Variants in PPP1R9A observed in about 807,000 individuals in gnomAD.
PPP1R9A encodes the protein protein phosphatase 1 regulatory subunit 9A.
PPP1R9A carries 59 observed loss-of-function variants against 141.9 expected under a neutral mutation model. That is an observed-to-expected ratio of 0.42 (90% CI 0.34 to 0.52). PPP1R9A has a LOEUF of 0.52. PPP1R9A is among the 20% of genes least tolerant of loss of function. The pLI is 0.10. For missense variants in PPP1R9A, 1,444 were observed against 1,611.9 expected, an observed-to-expected ratio of 0.90 and a Z score of 1.78; for synonymous variants, 500 against 569.7, an observed-to-expected ratio of 0.88 and a Z score of 1.74.
chr7:94,964,480 C>T (rs545111753), intron 2 of PPP1R9A, among the ~76,000 whole-genome samples: 12 of 152,216 alleles, frequency 7.9e-5, no homozygotes, highest in Admixed American at 2.0e-4. Flanking sequence ...TGCTATCCCT[C>T]GCCTAAATCC....
chr7:94,962,781 G>A (rs543746384), intron 2 of PPP1R9A, among the ~76,000 whole-genome samples: 1 of 152,068 alleles, frequency 6.6e-6, no homozygotes, highest in Non-Finnish European at 1.5e-5. Context: ...TGACTACAGT[G>A]TCATTGACTT....
chr7:95,110,533 A>C (rs1216577062), intron 2 of PPP1R9A, among the ~76,000 whole-genome samples: 3 of 152,154 alleles, frequency 2.0e-5, no homozygotes, highest in Non-Finnish European at 4.4e-5. Flanking sequence ...CAACTACTTC[A>C]GTTCCTTTTA....
At chr7:95,233,311 T>C (rs1796232783) in intron 8 of PPP1R9A, among the ~76,000 whole-genome samples, 1 of 150,916 alleles carries the variant, frequency 6.6e-6, no homozygotes, top group Non-Finnish European at 1.5e-5. Context: ...TAAGTGGGAG[T>C]TGAACAATGA....
In PPP1R9A at chr7:94,910,493, T is replaced by A. The variant is rs1306247532; in HGVS notation, c.380T>A (p.Phe127Tyr). 1 of 1,614,172 alleles carries A rather than the reference T, an allele frequency of 6.2e-7. No individual in the cohort carries two copies. The highest frequency in any genetic ancestry group is 1.1e-5 in the South Asian group (1 of 91,084). ...TCTGTTTCTGAACGAATTAGTAGATTTGACACTATGTACGATGGCCCTTCA... is the reference window on the plus strand; with the variant it reads ...TCTGTTTCTGAACGAATTAGTAGATATGACACTATGTACGATGGCCCTTCA... The part of the protein sequence containing the change: ...ESSVSERISR[F>Y]DTMYDGPSYS... Residue 127 changes from phenylalanine (F) to tyrosine (Y), a missense_variant, in exon 2 of 20, where the codon TTT (phenylalanine) becomes TAT (tyrosine). Phe to Tyr is a conservative substitution (Grantham distance 22). Around this residue, in one of 5 missense-constraint regions of PPP1R9A, gnomAD observed 490 missense variants for 521.1 expected, o/e 0.94. Coordinates refer to ENST00000433360, the MANE Select transcript of PPP1R9A (RefSeq NM_001166160.2). The surrounding 1 kb of genome is among the most constrained non-coding windows in gnomAD (Gnocchi z 4.5).
chr7:94,987,493 A>G (rs1245412959), intron 2 of PPP1R9A, among the ~76,000 whole-genome samples: 1 of 152,190 alleles, frequency 6.6e-6, no homozygotes, highest in East Asian at 1.9e-4. Flanking sequence ...TAGTAAGCCT[A>G]CTTCTCATAG....
chr7:95,252,106 T>C lies in PPP1R9A; in HGVS notation c.2641T>C (p.Ser881Pro), dbSNP rs1168415169. 1.9e-6 allele frequency: 3 copies of C among 1,600,988 alleles called. No homozygotes were observed. Among genetic ancestry groups the C allele is most frequent in the Non-Finnish European group, 2.5e-6 (3 of 1,176,482 alleles). Residue 881 changes from serine to proline, a missense_variant, in exon 12 of 20, where the codon TCT becomes CCT. Coordinates refer to ENST00000433360, the MANE Select transcript of PPP1R9A (RefSeq NM_001166160.2). ...TMENLDGKQT[S>P]CQDGLSQDLN... ...GGAGAACTTGGATGGCAAGCAGACA[T>C]CTTGCCAAGATGGCCTAAGTCAAGG...
At chr7:95,091,953 C>G (rs1446975593) in intron 2 of PPP1R9A, among the ~76,000 whole-genome samples, 1 of 151,644 alleles carries the variant, frequency 6.6e-6, no homozygotes, top group South Asian at 2.1e-4. Context: ...TGTCTGTCAT[C>G]TGTGAGCCTG....
chr7:95,271,067 C>T (rs956622816), intron 14 of PPP1R9A, among the ~76,000 whole-genome samples: 47 of 152,140 alleles, frequency 3.1e-4, no homozygotes, highest in Middle Eastern at 6.8e-3. Flanking sequence ...GAGGGAATAG[C>T]GGGTAAAGTG....
chr7:95,209,763 C>T (rs1223479973), intron 7 of PPP1R9A, among the ~76,000 whole-genome samples: 1 of 152,096 alleles, frequency 6.6e-6, no homozygotes, highest in East Asian at 1.9e-4. Context: ...TTTGCAATTA[C>T]ACGAATCAAT....
chr7:94,948,036 A>G (rs755941181), intron 2 of PPP1R9A, among the ~76,000 whole-genome samples: 1 of 152,078 alleles, frequency 6.6e-6, no homozygotes, highest in Non-Finnish European at 1.5e-5. Flanking sequence ...AGCTCTGTAT[A>G]CAGTCCATCT....
chr7:95,227,776 G>A (rs2152956589), intron 8 of PPP1R9A, among the ~76,000 whole-genome samples: 1 of 152,212 alleles, frequency 6.6e-6, no homozygotes, highest in East Asian at 1.9e-4. Flanking sequence ...TGAGTAACCA[G>A]ATCTGTAACT....
At chr7:95,166,083 A>C (rs1226364407) in intron 5 of PPP1R9A, among the ~76,000 whole-genome samples, 1 of 149,020 alleles carries the variant, frequency 6.7e-6, no homozygotes, top group Non-Finnish European at 1.5e-5. Context: ...TGGGAGGCAG[A>C]GGTTGCAGTG....
intron 4 of PPP1R9A, among the ~76,000 whole-genome samples, chr7:95,121,455 GT>G (rs1822563933): frequency 6.9e-6 from 1 of 144,840 alleles, no homozygotes; most frequent in Non-Finnish European, 1.5e-5. Flanking sequence ...CTGTCTGTCT[GT>G]CTGTCTATCT....
At chr7:95,031,661 C>A (rs1200447399) in intron 2 of PPP1R9A, among the ~76,000 whole-genome samples, 1 of 151,372 alleles carries the variant, frequency 6.6e-6, no homozygotes, top group Non-Finnish European at 1.5e-5. Flanking sequence ...GAGGCTGAGG[C>A]AGACGAATCA....
At chr7:95,167,809 TA>T (rs35694823) in intron 5 of PPP1R9A, among the ~76,000 whole-genome samples, 49 of 147,968 alleles carry the variant, frequency 3.3e-4, no homozygotes, top group South Asian at 6.4e-4. Context: ...TTACAATAGT[TA>T]AAAAAAAAAT....
intron 4 of PPP1R9A, among the ~76,000 whole-genome samples, chr7:95,138,321 G>A (rs1400284065): frequency 6.6e-6 from 1 of 152,062 alleles, no homozygotes; most frequent in African/African-American, 2.4e-5. Context: ...ATACCCATAT[G>A]GAGAAATAAA....
intron 2 of PPP1R9A, among the ~76,000 whole-genome samples, chr7:95,090,323 A>G (rs1460541947): frequency 1.3e-5 from 2 of 152,010 alleles, no homozygotes; most frequent in African/African-American, 4.8e-5. Context: ...CATTGTAAAC[A>G]TCAGTTATCA....
At chr7:94,964,880 G>C (rs1160636433) in intron 2 of PPP1R9A, among the ~76,000 whole-genome samples, 4 of 152,188 alleles carry the variant, frequency 2.6e-5, no homozygotes, top group Non-Finnish European at 5.9e-5. Flanking sequence ...TCTAGTTCTA[G>C]ATCCTTGAGG....
At chr7:95,182,407 A>G (rs1289134418) in intron 5 of PPP1R9A, among the ~76,000 whole-genome samples, 1 of 152,166 alleles carries the variant, frequency 6.6e-6, no homozygotes, top group Non-Finnish European at 1.5e-5. Context: ...ATATTTGGAT[A>G]TACACCTGGA....
Sources: allele counts gnomAD v4.1 joint callset (sites outside exome capture counted in the v4.1 genomes callset), GRCh38; gene constraint gnomAD v4.1.1; regional missense constraint gnomAD v4.1.1; non-coding constraint Gnocchi (gnomAD v3.1); transcripts MANE v1.5; gene names NCBI Gene and HGNC (gene_info 2026-07-23, HGNC 2026-07-21).